Variants in PPM1H observed in about 807,000 individuals in gnomAD.
PPM1H encodes the protein protein phosphatase, Mg2+/Mn2+ dependent 1H.
A neutral mutation model predicts 54.9 loss-of-function variants in PPM1H; 27 were observed. The ratio of observed to expected loss-of-function variants is 0.49; its 90% CI spans 0.36 to 0.68. The LOEUF (loss-of-function observed/expected upper bound fraction) is 0.68, where lower values mean the gene tolerates loss of function less well. Among genes scored for constraint, PPM1H ranks in the 30% least tolerant of loss-of-function variants. The probability of loss-of-function intolerance (pLI) is 0.00; values close to 1 mark genes in which losing one functional copy is unlikely to be tolerated. For synonymous variants in PPM1H, 305 were observed against 270.8 expected, an observed-to-expected ratio of 1.13 and a Z score of -1.24; for missense variants, 596 against 667.8, an observed-to-expected ratio of 0.89 and a Z score of 1.19.
rs145577411 is a variant in PPM1H, at chr12:62,898,242, C to T, written c.245+36250G>A. On this transcript the variant is annotated intron_variant, in intron 1 of 9. Transcript: ENST00000228705. The stretch of plus-strand genomic sequence containing the variant: ...TGTAGATGTCTAAAGTGAGGGTGAA[C>T]TCTGTTTTTTCTTTTAAAATGATCC... Among the ~76,000 whole-genome samples the T allele has an allele frequency of 3.1e-3, 476 of 152,220 alleles. 3 individuals are homozygous for T. Among genetic ancestry groups the T allele is most frequent in the African/African-American group, 0.011 (455 of 41,536 alleles).
At chr12:62,699,585 G>A (rs1294261866) in intron 6 of PPM1H, among the ~76,000 whole-genome samples, 3 of 152,202 alleles carry the variant, frequency 2.0e-5, no homozygotes, top group Non-Finnish European at 4.4e-5. Context: ...CTCAACAGTA[G>A]AGGGTGGACA....
intron 8 of PPM1H, among the ~76,000 whole-genome samples, chr12:62,677,758 C>T (rs2136624354): frequency 6.6e-6 from 1 of 152,310 alleles, no homozygotes; most frequent in East Asian, 1.9e-4. Context: ...GGCAAAGATG[C>T]CACCAGCCAC....
intron 1 of PPM1H, among the ~76,000 whole-genome samples, chr12:62,857,699 T>C (rs1426568318): frequency 6.6e-6 from 1 of 152,190 alleles, no homozygotes; most frequent in Non-Finnish European, 1.5e-5. Flanking sequence ...CAAATTCATG[T>C]TATCACATTG....
chr12:62,650,732 A>AG (rs60324555), intron 9 of PPM1H, among the ~76,000 whole-genome samples: 6,099 of 152,152 alleles, frequency 0.04, 414 homozygotes, highest in African/African-American at 0.14. Context: ...CAGTGAGTGA[A>AG]GGGGGGAAAT....
chr12:62,891,945 T>C (rs1870812342), intron 1 of PPM1H, among the ~76,000 whole-genome samples: 1 of 152,158 alleles, frequency 6.6e-6, no homozygotes, highest in Non-Finnish European at 1.5e-5. Context: ...TGCAGGCGTG[T>C]AGATAAACGA....
At chr12:62,886,854 G>T (rs1420362536) in intron 1 of PPM1H, among the ~76,000 whole-genome samples, 1 of 152,216 alleles carries the variant, frequency 6.6e-6, no homozygotes, top group African/African-American at 2.4e-5. Context: ...CAAAGGGTTT[G>T]CCACTGCGGT....
intron 6 of PPM1H, among the ~76,000 whole-genome samples, chr12:62,697,947 A>G (rs1163329286): frequency 6.6e-6 from 1 of 152,130 alleles, no homozygotes; most frequent in Non-Finnish European, 1.5e-5. Context: ...AGGCCAACTG[A>G]ATCATTTTTT....
At chr12:62,703,975 C>CGTGTGTGCGTGTGTGTGT (rs1318922158) in intron 6 of PPM1H, among the ~76,000 whole-genome samples, 2 of 146,554 alleles carry the variant, frequency 1.4e-5, no homozygotes, top group African/African-American at 5.1e-5. Flanking sequence ...AGAGAGAAAG[C>CGTGTGTGCGTGTGTGTGT]GTGTGTGTGT....
At chr12:62,876,999 G>T (rs561252826) in intron 1 of PPM1H, among the ~76,000 whole-genome samples, 3 of 152,276 alleles carry the variant, frequency 2.0e-5, no homozygotes, top group South Asian at 4.1e-4. Context: ...ACAAGTTTCA[G>T]TTCTTTCTGC....
chr12:62,905,995 G>A lies in PPM1H; in HGVS notation c.245+28497C>T, dbSNP rs1031733954. 1.3e-5 allele frequency among the ~76,000 whole-genome samples: 2 copies of A among 152,218 alleles called. 1 individual carries two copies. The highest frequency in any genetic ancestry group is 1.3e-4 in the Admixed American group (2 of 15,280). On this transcript the variant is annotated intron_variant, in intron 1 of 9. Transcript: ENST00000228705. ...CCATGCTTCAAAAAAACTAGAACTT[G>A]TGTGGAAAGTATAACTCCAAAATCT... is the stretch of plus-strand genomic sequence containing the variant.
At chr12:62,730,084 C>A (rs938350443) in intron 5 of PPM1H, among the ~76,000 whole-genome samples, 2 of 152,062 alleles carry the variant, frequency 1.3e-5, no homozygotes, top group African/African-American at 4.8e-5. Context: ...CAGAGAACAA[C>A]CCCCCTTTGA....
chr12:62,786,737 C>T (rs2076674236), intron 4 of PPM1H, among the ~76,000 whole-genome samples: 1 of 152,166 alleles, frequency 6.6e-6, no homozygotes, highest in South Asian at 2.1e-4. Flanking sequence ...AGAACCCTGA[C>T]CTGAGACATG....
chr12:62,808,569 G>C (rs1199258389), intron 2 of PPM1H, among the ~76,000 whole-genome samples: 2 of 151,966 alleles, frequency 1.3e-5, no homozygotes. Context: ...GTCTCTGATT[G>C]AATCTCTGAT....
intron 4 of PPM1H, among the ~76,000 whole-genome samples, chr12:62,765,087 G>A (rs2076533677): frequency 6.6e-6 from 1 of 152,174 alleles, no homozygotes; most frequent in South Asian, 2.1e-4. Context: ...CTTTTACAAA[G>A]GTTATCCCTG....
intron 3 of PPM1H, among the ~76,000 whole-genome samples, chr12:62,793,077 G>A (rs934031815): frequency 6.6e-6 from 1 of 152,140 alleles, no homozygotes; most frequent in African/African-American, 2.4e-5. Flanking sequence ...TGCTAAGCAA[G>A]GACTGATTTA....
At chr12:62,825,622 C>T (rs1293635773) in intron 2 of PPM1H, among the ~76,000 whole-genome samples, 6 of 152,128 alleles carry the variant, frequency 3.9e-5, no homozygotes. Context: ...TCTGAGCAAA[C>T]TATCACAAGG....
chr12:62,867,659 G>A (rs1303850931), intron 1 of PPM1H, among the ~76,000 whole-genome samples: 1 of 129,290 alleles, frequency 7.7e-6, no homozygotes, highest in African/African-American at 2.9e-5. Flanking sequence ...CTCACTGCAA[G>A]CTCCGCCTCC....
intron 8 of PPM1H, among the ~76,000 whole-genome samples, chr12:62,667,838 T>C (rs2075928703): frequency 6.6e-6 from 1 of 152,198 alleles, no homozygotes; most frequent in Admixed American, 6.5e-5. Flanking sequence ...GTAGCTGCTC[T>C]ACATGTATTT....
chr12:62,911,506 T>C (rs1375260469), intron 1 of PPM1H, among the ~76,000 whole-genome samples: 1 of 152,236 alleles, frequency 6.6e-6, no homozygotes, highest in African/African-American at 2.4e-5. Flanking sequence ...GACAAGTCCG[T>C]TTGGAGATCT....
Sources: allele counts gnomAD v4.1 joint callset (sites outside exome capture counted in the v4.1 genomes callset), GRCh38; gene constraint gnomAD v4.1.1; transcripts MANE v1.5; gene names NCBI Gene and HGNC (gene_info 2026-07-23, HGNC 2026-07-21).